The following SPON1 variants were observed in gnomAD, a reference collection of about 807,000 sequenced individuals.
The protein encoded by SPON1 is spondin-1.
SPON1 carries 52 observed loss-of-function variants against 111.7 expected under a neutral mutation model. That is an observed-to-expected ratio of 0.47 (90% CI 0.37 to 0.59). The LOEUF (loss-of-function observed/expected upper bound fraction) is 0.59. Ranked by LOEUF, SPON1 falls within the 20% of genes least tolerant of loss-of-function variation. The pLI, the probability that SPON1 is intolerant of heterozygous loss-of-function variation, is 0.00. For missense variants in SPON1, 957 were observed against 1,068.5 expected, an observed-to-expected ratio of 0.90 and a Z score of 1.46; for synonymous variants, 410 against 395.8, an observed-to-expected ratio of 1.04 and a Z score of -0.43.
chr11:14,022,414 C>T (rs139684654), intron 2 of SPON1, among the ~76,000 whole-genome samples: 4 of 152,266 alleles, frequency 2.6e-5, no homozygotes, highest in African/African-American at 9.6e-5. Flanking sequence ...TTGATGTTTA[C>T]TCTGAGGTTG....
At chr11:14,049,971 C>T (rs1848696307) in intron 3 of SPON1, among the ~76,000 whole-genome samples, 1 of 151,976 alleles carries the variant, frequency 6.6e-6, no homozygotes, top group Non-Finnish European at 1.5e-5. Flanking sequence ...AGGACCTTGG[C>T]CCTGTCGATG....
chr11:14,264,026 T>A, intron 15 of SPON1, among the ~76,000 whole-genome samples: 2 of 144,316 alleles, frequency 1.4e-5, no homozygotes, highest in Non-Finnish European at 1.5e-5. Context: ...TGAAACTCCG[T>A]CTCAAATTAA....
intron 2 of SPON1, among the ~76,000 whole-genome samples, chr11:13,985,501 G>C (rs1299947053): frequency 6.6e-6 from 1 of 152,174 alleles, no homozygotes; most frequent in African/African-American, 2.4e-5. Flanking sequence ...CCAGCTCTAA[G>C]TGATAAAGCT....
At chr11:14,052,234 G>A (rs1848712839) in intron 3 of SPON1, among the ~76,000 whole-genome samples, 1 of 152,276 alleles carries the variant, frequency 6.6e-6, no homozygotes, top group Non-Finnish European at 1.5e-5. Flanking sequence ...TTAGTGGGAA[G>A]AGAGGATGAG....
At chr11:13,994,255 T>C (rs1355690561) in intron 2 of SPON1, among the ~76,000 whole-genome samples, 4 of 152,184 alleles carry the variant, frequency 2.6e-5, no homozygotes, top group South Asian at 2.1e-4. Context: ...CCTTATAAGA[T>C]GTTAGGATTT....
At chr11:14,263,858 A>G (rs1849224353) in intron 15 of SPON1, among the ~76,000 whole-genome samples, 1 of 151,924 alleles carries the variant, frequency 6.6e-6, no homozygotes, top group African/African-American at 2.4e-5. Flanking sequence ...GTGAAACCCC[A>G]TCTCTACTAA....
intron 1 of SPON1, among the ~76,000 whole-genome samples, chr11:13,973,883 C>T (rs1430133056): frequency 6.6e-6 from 1 of 152,124 alleles, no homozygotes; most frequent in African/African-American, 2.4e-5. Context: ...AGAAAAATGA[C>T]CCTTACAAAT....
intron 2 of SPON1, among the ~76,000 whole-genome samples, chr11:14,009,268 G>T (rs537232968): frequency 6.6e-6 from 1 of 152,284 alleles, no homozygotes; most frequent in South Asian, 2.1e-4. Context: ...GCCCAGAAAG[G>T]CCTGACCCCT....
At chr11:14,246,097 C>T (rs1205981991) in intron 7 of SPON1, among the ~76,000 whole-genome samples, 2 of 152,138 alleles carry the variant, frequency 1.3e-5, no homozygotes, top group African/African-American at 4.8e-5. Flanking sequence ...GGATGAAAGG[C>T]AGGTAGGGGT....
Position 14,135,380 on chromosome 11 carries a change from A to G in SPON1, c.677-40A>G, listed in dbSNP as rs1847578817. 1.9e-6 allele frequency: 3 copies of G among 1,587,636 alleles called. No individual in the cohort carries two copies. The East Asian group carries it at 6.8e-5, about 36-fold the overall frequency. On this transcript the variant is annotated intron_variant, in intron 5 of 15. Transcript: ENST00000576479. The surrounding 1 kb of genome is among the most constrained non-coding windows in gnomAD (Gnocchi z 4.4). ...CATTTAAGGGACTCGTGTTTCAGCC[A>G]CAGCCATGCTGATAACTGCCTCCTG...
chr11:14,082,038 C>T (rs1197797059), intron 5 of SPON1, among the ~76,000 whole-genome samples: 3 of 152,088 alleles, frequency 2.0e-5, no homozygotes, highest in Non-Finnish European at 2.9e-5. Flanking sequence ...GGAACAAGCA[C>T]GATGGAAAAA....
intron 2 of SPON1, among the ~76,000 whole-genome samples, chr11:14,033,905 T>C (rs1158794857): frequency 6.6e-6 from 1 of 152,202 alleles, no homozygotes; most frequent in Non-Finnish European, 1.5e-5. Context: ...GCAGCTGCCT[T>C]ATCAGCAAAT....
chr11:14,000,243 T>A (rs1230062960), intron 2 of SPON1, among the ~76,000 whole-genome samples: 1 of 152,138 alleles, frequency 6.6e-6, no homozygotes, highest in Non-Finnish European at 1.5e-5. Flanking sequence ...TGCTCTCAGG[T>A]AGCCACAAAA....
At chr11:13,963,747 G>A (rs1847993629) in intron 1 of SPON1, among the ~76,000 whole-genome samples, 2 of 152,188 alleles carry the variant, frequency 1.3e-5, no homozygotes, top group South Asian at 4.1e-4. Context: ...AGGGTCCTTG[G>A]AAAGAACCCC....
chr11:14,117,475 T>C (rs1849275307), intron 5 of SPON1, among the ~76,000 whole-genome samples: 2 of 152,340 alleles, frequency 1.3e-5, no homozygotes, highest in Non-Finnish European at 2.9e-5. Context: ...TGATGAATTG[T>C]ATTGATTAAA....
intron 11 of SPON1, among the ~76,000 whole-genome samples, chr11:14,258,605 G>GA (rs138986772): frequency 0.029 from 4,389 of 152,210 alleles, 82 homozygotes; most frequent in Non-Finnish European, 0.045. Flanking sequence ...GTATGGCAGG[G>GA]AAAAAAACCA....
chr11:13,999,608 T>C (rs1848300658), intron 2 of SPON1, among the ~76,000 whole-genome samples: 1 of 152,128 alleles, frequency 6.6e-6, no homozygotes, highest in African/African-American at 2.4e-5. Context: ...GGTTTCGCCA[T>C]GTTGGCCAAG....
intron 6 of SPON1, among the ~76,000 whole-genome samples, chr11:14,198,981 G>C (rs973756255): frequency 6.6e-6 from 1 of 152,152 alleles, no homozygotes. Flanking sequence ...CTCAGGACTT[G>C]AGTTAGTTTT....
Position 14,135,503 on chromosome 11 carries a change from G to T in SPON1, c.760G>T (p.Glu254Ter). Residue 254 changes from glutamate to a stop codon, truncating the protein, a stop_gained, in exon 6 of 16, where the codon GAA becomes TAA. Coordinates refer to ENST00000576479, the MANE Select transcript of SPON1 (RefSeq NM_006108.4). LOFTEE classifies it high-confidence loss of function. This position sits in a 1 kb window ranked among gnomAD's most constrained non-coding sequence, Gnocchi z 4.4. ...VLWEYGGYAS[E>*]GVKQVAELGS... is the part of the protein sequence containing the mutation. ...GTGGGAATATGGAGGATATGCCAGC[G>T]AAGGCGTCAAACAAGTTGCAGAATT... 2 of 1,613,954 alleles carry T rather than the reference G, an allele frequency of 1.2e-6. No individual in the cohort carries two copies. The highest frequency in any genetic ancestry group is 1.7e-6 in the Non-Finnish European group (2 of 1,179,840).
Sources: gnomAD v4.1 joint callset for allele counts (sites outside exome capture counted in the v4.1 genomes callset) on GRCh38, gnomAD v4.1.1 for gene constraint, Gnocchi (gnomAD v3.1) non-coding constraint, MANE v1.5 for transcripts, NCBI Gene and HGNC (gene_info 2026-07-23, HGNC 2026-07-21) for gene names.